Variants in TMEM132C observed in about 807,000 individuals in gnomAD.
The protein encoded by TMEM132C is protein phosphatase 1, regulatory subunit 152.
Under a neutral mutation model 61.4 loss-of-function variants are expected in TMEM132C, and 29 were observed. The observed-to-expected ratio is 0.47, with a 90% CI of 0.35 to 0.64. The LOEUF (loss-of-function observed/expected upper bound fraction) is 0.64, where lower values mean the gene tolerates loss of function less well. Ranked by LOEUF, TMEM132C falls within the 30% of genes least tolerant of loss-of-function variation. The probability of loss-of-function intolerance (pLI) is 0.00; values close to 1 mark genes in which losing one functional copy is unlikely to be tolerated. For synonymous variants in TMEM132C, 656 were observed against 633.1 expected, an observed-to-expected ratio of 1.04 and a Z score of -0.54; for missense variants, 1,408 against 1,476.9, an observed-to-expected ratio of 0.95 and a Z score of 0.76.
chr12:128,551,175 A>G (rs1164949280), intron 3 of TMEM132C, among the ~76,000 whole-genome samples: 3 of 151,844 alleles, frequency 2.0e-5, no homozygotes, highest in African/African-American at 7.3e-5. Flanking sequence ...TCGGCTTCTA[A>G]TGAACCCAAA....
intron 2 of TMEM132C, among the ~76,000 whole-genome samples, chr12:128,434,013 G>A (rs537835677): frequency 6.6e-6 from 1 of 152,362 alleles, no homozygotes; most frequent in South Asian, 2.1e-4. Flanking sequence ...GTATGTTCCT[G>A]GATAGCAACA....
At chr12:128,646,191 T>A (rs1372005189) in intron 4 of TMEM132C, among the ~76,000 whole-genome samples, 3 of 152,070 alleles carry the variant, frequency 2.0e-5, no homozygotes, top group Non-Finnish European at 4.4e-5. Context: ...GTGTGTTTAC[T>A]GGAGTCCATC....
In TMEM132C at chr12:128,693,925, C is replaced by G. The variant is rs1188384177; in HGVS notation, c.1546C>G (p.Pro516Ala). The change falls in exon 6 of 9, where the codon CCC becomes GCC. Residue 516 changes from proline (P) to alanine (A), a missense_variant. Coordinates refer to ENST00000435159, the MANE Select transcript of TMEM132C (RefSeq NM_001136103.3). Reference sequence around the variant, plus strand: ...CTTCACATACCAGTACCTGAGCGCCCCCCTGTGTGTCACCGTGTGGGTGCC... The same window carrying G: ...CTTCACATACCAGTACCTGAGCGCCGCCCTGTGTGTCACCGTGTGGGTGCC... Reference protein sequence around the residue: ...VNFTYQYLSAPLCVTVWVPRL... With the variant: ...VNFTYQYLSAALCVTVWVPRL... The G allele has an allele frequency of 6.4e-7, 1 of 1,551,632 alleles. No individual in the cohort carries two copies. The highest frequency in any genetic ancestry group is 1.4e-5 in the African/African-American group (1 of 73,026).
intron 2 of TMEM132C, among the ~76,000 whole-genome samples, chr12:128,471,007 G>T (rs1870931769): frequency 6.6e-6 from 1 of 152,142 alleles, no homozygotes; most frequent in Non-Finnish European, 1.5e-5. Flanking sequence ...TTGAATCAGG[G>T]TTTCTCAACC....
intron 2 of TMEM132C, among the ~76,000 whole-genome samples, chr12:128,445,816 C>T (rs1180805399): frequency 6.6e-6 from 1 of 152,178 alleles, no homozygotes; most frequent in Non-Finnish European, 1.5e-5. Flanking sequence ...CCACCCCTCA[C>T]CCCTGGGGAC....
intron 2 of TMEM132C, among the ~76,000 whole-genome samples, chr12:128,486,901 ACACACACACACACACACACAG>A (rs1565950551): frequency 3.6e-4 from 54 of 151,960 alleles, no homozygotes; most frequent in African/African-American, 1.0e-3. Flanking sequence ...ACACACACAC[ACACACACACACACACACACAG>A]CTCAGCACTT....
chr12:128,387,666 T>C (rs1874630425), intron 1 of TMEM132C, among the ~76,000 whole-genome samples: 1 of 151,962 alleles, frequency 6.6e-6, no homozygotes, highest in Non-Finnish European at 1.5e-5. Flanking sequence ...AAAAATTAGC[T>C]GGGCATGGTG....
At chr12:128,293,118 C>T (rs956922704) in intron 1 of TMEM132C, among the ~76,000 whole-genome samples, 1 of 152,116 alleles carries the variant, frequency 6.6e-6, no homozygotes, top group Non-Finnish European at 1.5e-5. Flanking sequence ...GTAGTGTCTC[C>T]TGGATTGCTG....
intron 2 of TMEM132C, among the ~76,000 whole-genome samples, chr12:128,455,363 G>A (rs1284059118): frequency 6.6e-6 from 1 of 152,200 alleles, no homozygotes; most frequent in Non-Finnish European, 1.5e-5. Context: ...TGGGAAGGTT[G>A]GAGGCAAGTG....
chr12:128,291,909 C>G (rs531289479), intron 1 of TMEM132C, among the ~76,000 whole-genome samples: 2 of 152,332 alleles, frequency 1.3e-5, no homozygotes, highest in South Asian at 4.1e-4. Context: ...CAGGGCGTCT[C>G]AGGAACCCCG....
chr12:128,698,318 T>C (rs1954780112), intron 8 of TMEM132C, among the ~76,000 whole-genome samples: 1 of 152,224 alleles, frequency 6.6e-6, no homozygotes, highest in African/African-American at 2.4e-5. Flanking sequence ...ACAGCCAGGA[T>C]GGGCTCGTCT....
intron 2 of TMEM132C, among the ~76,000 whole-genome samples, chr12:128,431,367 A>G (rs866582559): frequency 1.3e-5 from 2 of 152,192 alleles, no homozygotes; most frequent in African/African-American, 4.8e-5. Context: ...GCTAATGGAA[A>G]GAAATCATCT....
intron 1 of TMEM132C, among the ~76,000 whole-genome samples, chr12:128,270,531 G>A (rs1311614705): frequency 6.6e-6 from 1 of 152,144 alleles, no homozygotes; most frequent in Non-Finnish European, 1.5e-5. Context: ...GTGCTTTAGG[G>A]GTTTTGGGTT....
At chr12:128,521,256 G>A (rs1208867776) in intron 2 of TMEM132C, among the ~76,000 whole-genome samples, 1 of 151,890 alleles carries the variant, frequency 6.6e-6, no homozygotes, top group Admixed American at 6.6e-5. Flanking sequence ...TGTTATATAT[G>A]CTGGTCAGGA....
At chr12:128,517,752 G>T (rs1358357265) in intron 2 of TMEM132C, among the ~76,000 whole-genome samples, 1 of 152,160 alleles carries the variant, frequency 6.6e-6, no homozygotes, top group Non-Finnish European at 1.5e-5. Flanking sequence ...GCTTTACCCA[G>T]CAGCCATGTC....
chr12:128,396,063 C>T (rs955742281), intron 1 of TMEM132C, among the ~76,000 whole-genome samples: 29 of 152,060 alleles, frequency 1.9e-4, no homozygotes, highest in Admixed American at 5.2e-4. Context: ...TACATGGATG[C>T]GGGGTCCTTA....
chr12:128,551,500 A>G (rs1180905712), intron 3 of TMEM132C, among the ~76,000 whole-genome samples: 1 of 152,154 alleles, frequency 6.6e-6, no homozygotes, highest in Non-Finnish European at 1.5e-5. Context: ...CAGTCAGGCA[A>G]AGTCAGCCAA....
chr12:128,340,015 G>C (rs1872906142), intron 1 of TMEM132C, among the ~76,000 whole-genome samples: 1 of 152,174 alleles, frequency 6.6e-6, no homozygotes, highest in African/African-American at 2.4e-5. Context: ...GTAACATTTG[G>C]ATGGTTCTTT....
intron 2 of TMEM132C, among the ~76,000 whole-genome samples, chr12:128,416,354 C>G (rs79508278): frequency 2.6e-5 from 4 of 152,108 alleles, no homozygotes; most frequent in Admixed American, 6.5e-5. Context: ...ATAATTAATA[C>G]GGGGCTAAAA....
Sources: allele counts gnomAD v4.1 joint callset (sites outside exome capture counted in the v4.1 genomes callset), GRCh38; gene constraint gnomAD v4.1.1; transcripts MANE v1.5; gene names NCBI Gene and HGNC (gene_info 2026-07-23, HGNC 2026-07-21).